The following NCOA7 variants were observed in gnomAD, a reference collection of about 807,000 sequenced individuals.
NCOA7 encodes the protein nuclear receptor coactivator 7.
NCOA7 carries 45 observed loss-of-function variants against 104.3 expected under a neutral mutation model. The ratio of observed to expected loss-of-function variants is 0.43; its 90% confidence interval spans 0.34 to 0.55. NCOA7 has a LOEUF of 0.55. Among genes scored for constraint, NCOA7 ranks in the 20% least tolerant of loss-of-function variants. The pLI is 0.02. For synonymous variants in NCOA7, 398 were observed against 402.3 expected (o/e 0.99, Z 0.13); for missense variants, 1,041 against 1,119.7 (o/e 0.93, Z 1.00).
chr6:125,884,542 A>C (rs1187530679), intron 7 of NCOA7, among the ~76,000 whole-genome samples: 2 of 152,216 alleles, frequency 1.3e-5, no homozygotes, highest in South Asian at 4.1e-4. Context: ...TCAGACTTCA[A>C]AGACTTCACC....
intron 3 of NCOA7, among the ~76,000 whole-genome samples, chr6:125,870,575 T>C (rs1782806022): frequency 1.3e-5 from 2 of 152,316 alleles, no homozygotes; most frequent in Middle Eastern, 3.4e-3. Context: ...TTCATTCTCT[T>C]GATGTCATAG....
intron 7 of NCOA7, among the ~76,000 whole-genome samples, chr6:125,883,922 T>C (rs1784057658): frequency 6.6e-6 from 1 of 152,146 alleles, no homozygotes; most frequent in African/African-American, 2.4e-5. Flanking sequence ...TTTCACCATT[T>C]TGGCCAGGCT....
intron 10 of NCOA7, among the ~76,000 whole-genome samples, chr6:125,893,032 A>G (rs1023116555): frequency 6.6e-5 from 10 of 152,120 alleles, no homozygotes; most frequent in Admixed American, 6.5e-5. Context: ...AGAAATATTT[A>G]TTTTTGTTTC....
At chr6:125,919,159 T>A in intron 11 of NCOA7, 1 of 1,383,252 alleles carries the variant, frequency 7.2e-7, no homozygotes, top group Non-Finnish European at 9.7e-7. Context: ...GTGTTTGCTC[T>A]AAATCCTAAT....
intron 13 of NCOA7, among the ~76,000 whole-genome samples, chr6:125,923,936 T>C (rs1787801209): frequency 6.6e-6 from 1 of 152,250 alleles, no homozygotes; most frequent in Admixed American, 6.5e-5. Context: ...TTTGTGACTT[T>C]ATCGTAATAT....
chr6:125,837,757 T>G (rs1170459051), intron 2 of NCOA7, among the ~76,000 whole-genome samples: 1 of 152,218 alleles, frequency 6.6e-6, no homozygotes, highest in African/African-American at 2.4e-5. Context: ...GGAAGGAGGC[T>G]GAGATCATCC....
chr6:125,871,040 G>A (rs978347204), intron 3 of NCOA7, among the ~76,000 whole-genome samples: 1 of 152,214 alleles, frequency 6.6e-6, no homozygotes, highest in Non-Finnish European at 1.5e-5. Flanking sequence ...TTATTTCAGA[G>A]GTGGGCAAGT....
intron 1 of NCOA7, among the ~76,000 whole-genome samples, chr6:125,802,902 T>C (rs1776039330): frequency 6.6e-6 from 1 of 152,230 alleles, no homozygotes; most frequent in Non-Finnish European, 1.5e-5. Context: ...GCTGATTTAG[T>C]TTCACACTTG....
chr6:125,840,867 G>GTTTTTTTT (rs1305583308), intron 2 of NCOA7, among the ~76,000 whole-genome samples: 19 of 50,674 alleles, frequency 3.7e-4, no homozygotes, highest in South Asian at 7.1e-4. Context: ...TTGTTTGGTT[G>GTTTTTTTT]GTTTTTTTTT....
In NCOA7 at chr6:125,840,868, G is replaced by GTTTTTTTTTTT. The variant is rs57168444; in HGVS notation, c.51-14120_51-14110dup. 9.9e-4 allele frequency among the ~76,000 whole-genome samples: 40 copies of GTTTTTTTTTTT among 40,372 alleles called. 8 individuals carry two copies. The highest frequency in any genetic ancestry group is 1.5e-3 in the East Asian group (2 of 1,358). The allele number at this position is 40,372 out of a possible 152,430, so 26.5% of individuals were successfully genotyped here. On this transcript the variant is annotated intron_variant, in intron 2 of 15. Coordinates refer to ENST00000392477, the MANE Select transcript of NCOA7 (RefSeq NM_181782.5). ...TTTTATGGTTTTTTTTGTTTGGTTG[G>GTTTTTTTTTTT]TTTTTTTTTTTTTTTTTTTTTTTTT...
intron 4 of NCOA7, 39 bp from the exon 5 acceptor site, chr6:125,878,224 T>G: frequency 7.1e-7 from 1 of 1,406,274 alleles, no homozygotes; most frequent in Non-Finnish European, 9.7e-7. Context: ...TAATTTTTTT[T>G]GCTTTATTTA....
chr6:125,859,579 T>G (rs959764915), intron 3 of NCOA7, among the ~76,000 whole-genome samples: 1 of 152,228 alleles, frequency 6.6e-6, no homozygotes, highest in Non-Finnish European at 1.5e-5. Context: ...TTTTTGTATA[T>G]TACACATAGT....
chr6:125,919,257 T>C, intron 11 of NCOA7: 2 of 1,609,548 alleles, frequency 1.2e-6, no homozygotes, highest in Non-Finnish European at 1.7e-6. Context: ...GAGAAAACAG[T>C]TGTAGCTCAG....
chr6:125,789,186 A>G (rs1774621102), upstream of NCOA7, among the ~76,000 whole-genome samples: 1 of 152,210 alleles, frequency 6.6e-6, no homozygotes, highest in African/African-American at 2.4e-5. Context: ...AATATCATAA[A>G]TAATAATAGT....
intron 2 of NCOA7, among the ~76,000 whole-genome samples, chr6:125,834,056 A>G (rs935106842): frequency 6.7e-6 from 1 of 150,160 alleles, no homozygotes; most frequent in Non-Finnish European, 1.5e-5. Flanking sequence ...GGTCGGTAGG[A>G]TTATTAAGAC....
chr6:125,820,085 T>C (rs1778026188), intron 2 of NCOA7, among the ~76,000 whole-genome samples: 1 of 152,142 alleles, frequency 6.6e-6, no homozygotes, highest in South Asian at 2.1e-4. Flanking sequence ...TCCCTGGTTG[T>C]CATGAAAAGC....
intron 11 of NCOA7, among the ~76,000 whole-genome samples, 161 bp downstream of exon 11, chr6:125,915,641 C>T (rs1482100585): frequency 6.6e-6 from 1 of 151,932 alleles, no homozygotes; most frequent in East Asian, 1.9e-4. Flanking sequence ...AAAAAAACAC[C>T]ACCACCAGCA....
intron 3 of NCOA7, among the ~76,000 whole-genome samples, chr6:125,858,503 A>G (rs929303030): frequency 6.6e-6 from 1 of 151,966 alleles, no homozygotes; most frequent in Admixed American, 6.6e-5. Context: ...CAGGCATAGT[A>G]GCACACACCT....
intron 11 of NCOA7, among the ~76,000 whole-genome samples, chr6:125,917,213 A>G (rs1292717953): frequency 1.4e-5 from 2 of 146,582 alleles, no homozygotes; most frequent in African/African-American, 5.5e-5. Flanking sequence ...TGTATTTTTC[A>G]AAGCTCCCAG....
Sources: gnomAD v4.1 joint callset for allele counts (sites outside exome capture counted in the v4.1 genomes callset) on GRCh38, gnomAD v4.1.1 for gene constraint, MANE v1.5 for transcripts, NCBI Gene and HGNC (gene_info 2026-07-23, HGNC 2026-07-21) for gene names.